The following MAFK variants were observed in gnomAD, a reference collection of about 807,000 sequenced individuals.
MAFK encodes transcription factor MafK.
Under a neutral mutation model 9.2 loss-of-function variants are expected in MAFK, and 1 was observed. That is an observed-to-expected ratio of 0.11 (90% CI 0.04 to 0.52). MAFK has a LOEUF of 0.52. Among genes scored for constraint, MAFK ranks in the 20% least tolerant of loss-of-function variants. The probability of loss-of-function intolerance (pLI) is 0.94; values close to 1 mark genes in which losing one functional copy is unlikely to be tolerated. For missense variants in MAFK, 207 were observed against 236.0 expected (o/e 0.88, Z 0.81); for synonymous variants, 110 against 107.4 (o/e 1.02, Z -0.15).
chr7:1,538,191 G>A, intron 1 of MAFK: 1 of 839,924 alleles, frequency 1.2e-6, no homozygotes, highest in Non-Finnish European at 1.4e-6. Flanking sequence ...CTCATGCCGG[G>A]GATGCTTTGG....
In MAFK at chr7:1,542,482, G is replaced by C. The variant is rs911312111; in HGVS notation, c.*2107G>C. The C allele has an allele frequency of 1.3e-5, 2 of 152,352 alleles. No homozygotes were observed. The highest frequency in any genetic ancestry group is 2.9e-5 in the Non-Finnish European group (2 of 68,084). 9.4% of individuals were successfully genotyped at this position (152,352 alleles called of 1,614,324 possible). A position where few individuals can be genotyped will look rare whatever the true frequency, so the allele number is the denominator to read the frequency against. On this transcript the variant is annotated 3_prime_UTR_variant, in exon 3 of 3. Coordinates refer to ENST00000343242, the MANE Select transcript of MAFK (RefSeq NM_002360.4). ...GTTCTGTCCCGTCTTGGGGTTCTTG[G>C]TGTCCACGTCTTGTGGGCCGTGGGC...
Position 1,532,487 on chromosome 7 carries a change from C to T in MAFK, c.-45+1589C>T, listed in dbSNP as rs963063655. 6.6e-6 allele frequency among the ~76,000 whole-genome samples: 1 copy of T among 152,220 alleles called. No individual in the cohort carries two copies. Among genetic ancestry groups the T allele is most frequent in the Non-Finnish European group, 1.5e-5 (1 of 68,046 alleles). Reference sequence around the variant, plus strand: ...TAAGACATTTATTAAAGCAGAAAAACCAGGCTTCTCCTGCCTTTTATCCTT... The same window carrying T: ...TAAGACATTTATTAAAGCAGAAAAATCAGGCTTCTCCTGCCTTTTATCCTT... On this transcript the variant is annotated intron_variant, in intron 1 of 2. Coordinates refer to ENST00000343242, the MANE Select transcript of MAFK (RefSeq NM_002360.4). The surrounding 1 kb of genome is among the most constrained non-coding windows in gnomAD (Gnocchi z 4.5).
In MAFK at chr7:1,530,821, C is replaced by G. The variant is rs1377841817; in HGVS notation, c.-122C>G. The G allele has an allele frequency of 2.0e-5, 3 of 147,522 alleles. No homozygotes were observed. Among genetic ancestry groups the G allele is most frequent in the African/African-American group, 7.4e-5 (3 of 40,664 alleles). 9.1% of individuals were successfully genotyped at this position (147,522 alleles called of 1,614,324 possible). ...GCGGCGGCGGCGGCCGAGGGGAGCGCGACAGTGAGCGCCGGCGCGAGGACA... is the reference window on the plus strand; with the variant it reads ...GCGGCGGCGGCGGCCGAGGGGAGCGGGACAGTGAGCGCCGGCGCGAGGACA... On this transcript the variant is annotated 5_prime_UTR_variant, in exon 1 of 3. Transcript: ENST00000343242.
At position 1,532,072 on chromosome 7, in the gene MAFK, C is replaced by G. The variant is rs1223894254; in HGVS notation, c.-45+1174C>G. On this transcript the variant is annotated intron_variant, in intron 1 of 2. Transcript: ENST00000343242. This position sits in a 1 kb window ranked among gnomAD's most constrained non-coding sequence, Gnocchi z 4.5. ...GCCCCCCACCGCCCCCCATCGTGGT[C>G]TAGGGGATATCTGTGTGGTTCGGCT... 3.3e-5 allele frequency among the ~76,000 whole-genome samples: 5 copies of G among 152,220 alleles called. No individual in the cohort carries two copies. Among genetic ancestry groups the G allele is most frequent in the African/African-American group, 1.2e-4 (5 of 41,462 alleles).
rs1038928861 is a variant in MAFK, at chr7:1,542,338, G to C, written c.*1963G>C. 1 of 152,610 alleles carries C rather than the reference G, an allele frequency of 6.6e-6. No homozygotes were observed. The highest frequency in any genetic ancestry group is 6.5e-5 in the Admixed American group (1 of 15,292). The allele number at this position is 152,610 out of a possible 1,614,324, so 9.5% of individuals were successfully genotyped here. A position where few individuals can be genotyped will look rare whatever the true frequency, so the allele number is the denominator to read the frequency against. ...TCTATCAGAGCAGAGCCGGGGGCACGGGCACAGGTGGGAGTTGGGAGCAAA... is the reference window on the plus strand; with the variant it reads ...TCTATCAGAGCAGAGCCGGGGGCACCGGCACAGGTGGGAGTTGGGAGCAAA... On this transcript the variant is annotated 3_prime_UTR_variant, in exon 3 of 3. Coordinates refer to ENST00000343242, the MANE Select transcript of MAFK (RefSeq NM_002360.4).
At chr7:1,538,485 G>A in intron 1 of MAFK, 2 of 849,724 alleles carry the variant, frequency 2.4e-6, no homozygotes, top group Non-Finnish European at 2.8e-6. Flanking sequence ...TGTGGGGAGG[G>A]CGGGGCGGGA....
chr7:1,540,471 A>G lies in MAFK; in HGVS notation c.*96A>G. On this transcript the variant is annotated 3_prime_UTR_variant, in exon 3 of 3. Coordinates refer to ENST00000343242, the MANE Select transcript of MAFK (RefSeq NM_002360.4). ...TGTCACTGGGATGCAGACTCTCGACATCCGAGTCCAAGCGCAGGCCCCTCG... is the reference window on the plus strand; with the variant it reads ...TGTCACTGGGATGCAGACTCTCGACGTCCGAGTCCAAGCGCAGGCCCCTCG... 8.1e-7 allele frequency: 1 copy of G among 1,233,792 alleles called. No individual in the cohort carries two copies. Among genetic ancestry groups the G allele is most frequent in the Non-Finnish European group, 1.1e-6 (1 of 908,396 alleles). 76.4% of individuals were successfully genotyped at this position (1,233,792 alleles called of 1,614,324 possible). A position where few individuals can be genotyped will look rare whatever the true frequency, so the allele number is the denominator to read the frequency against.
chr7:1,531,415 C>T (rs1433873511), intron 1 of MAFK, among the ~76,000 whole-genome samples: 2 of 152,278 alleles, frequency 1.3e-5, no homozygotes, highest in East Asian at 1.9e-4. Context: ...GGCCCAGTGG[C>T]TGGGGTCACG....
rs570015551 is a variant in MAFK, at chr7:1,539,004, G to T, written c.-44-145G>T. On this transcript the variant is annotated intron_variant, in intron 1 of 2. Transcript: ENST00000343242. Reference sequence around the variant, plus strand: ...TGGGAAGCCCCTCAGGACGGGCTGGGCCCGGATGGTGCCCCGTCTTGTTTT... The same window carrying T: ...TGGGAAGCCCCTCAGGACGGGCTGGTCCCGGATGGTGCCCCGTCTTGTTTT... 10 of 674,414 alleles carry T rather than the reference G, an allele frequency of 1.5e-5. No homozygotes were observed. The African/African-American group carries it at 1.8e-4, about 12-fold the overall frequency. The allele number at this position is 674,414 out of a possible 1,614,324, so 41.8% of individuals were successfully genotyped here.
chr7:1,535,048 G>C (rs1036677004), intron 1 of MAFK, among the ~76,000 whole-genome samples: 17 of 149,912 alleles, frequency 1.1e-4, no homozygotes, highest in African/African-American at 4.2e-4. Context: ...CGGGACCATA[G>C]GCACATATGT....
At chr7:1,537,667 A>G in intron 1 of MAFK, 1 of 985,250 alleles carries the variant, frequency 1.0e-6, no homozygotes, top group Non-Finnish European at 1.2e-6. Flanking sequence ...GGGGCAGCGG[A>G]CTCGGCAGCC....
intron 1 of MAFK, chr7:1,537,568 A>T: frequency 4.1e-6 from 4 of 985,520 alleles, no homozygotes; most frequent in Non-Finnish European, 4.8e-6. Flanking sequence ...GGTGCGAAGG[A>T]GCCTGGAGCC....
At chr7:1,531,752 G>A (rs1335067224) in intron 1 of MAFK, among the ~76,000 whole-genome samples, 1 of 152,168 alleles carries the variant, frequency 6.6e-6, no homozygotes, top group African/African-American at 2.4e-5. Context: ...GAGAAACCCA[G>A]AAAGCCAGGA....
intron 2 of MAFK, 150 bp from the exon 3 acceptor site, chr7:1,539,791 G>T (rs1482688570): frequency 1.5e-6 from 1 of 666,452 alleles, no homozygotes; most frequent in Non-Finnish European, 2.5e-6. Flanking sequence ...TGCGTGCACA[G>T]TGTCCTGTGG....
chr7:1,531,010 G>A (rs1237018479), intron 1 of MAFK, 112 bp downstream of exon 1: 1 of 147,044 alleles, frequency 6.8e-6, no homozygotes, highest in Non-Finnish European at 1.5e-5. Context: ...GCGGGCCGAG[G>A]GTGGCGGGGT....
In MAFK at chr7:1,534,064, C is replaced by A. The variant is rs908585249; in HGVS notation, c.-45+3166C>A. 9 of 363,442 alleles carry A rather than the reference C, an allele frequency of 2.5e-5. No individual in the cohort carries two copies. The highest frequency in any genetic ancestry group is 5.0e-5 in the Non-Finnish European group (9 of 178,816). The allele number at this position is 363,442 out of a possible 1,614,324, so 22.5% of individuals were successfully genotyped here. A position where few individuals can be genotyped will look rare whatever the true frequency, so the allele number is the denominator to read the frequency against. ...AGACTGCAAATGCAAGGTGACCAGACGTCCTCCAAGCCGGGCCGACAGTCA... is the reference window on the plus strand; with the variant it reads ...AGACTGCAAATGCAAGGTGACCAGAAGTCCTCCAAGCCGGGCCGACAGTCA... On this transcript the variant is annotated intron_variant, in intron 1 of 2. Transcript: ENST00000343242. This position sits in a 1 kb window ranked among gnomAD's most constrained non-coding sequence, Gnocchi z 4.3.
Position 1,539,969 on chromosome 7 carries a change from C to A in MAFK, c.65C>A (p.Pro22Gln). ...KVKKEAGENA[P>Q]VLSDDELVSM... Reference sequence around the variant, plus strand: ...AAGAAGGAGGCGGGCGAGAACGCCCCGGTGCTCAGCGATGATGAGCTGGTG... The same window carrying A: ...AAGAAGGAGGCGGGCGAGAACGCCCAGGTGCTCAGCGATGATGAGCTGGTG... Residue 22 changes from proline (P) to glutamine (Q), a missense_variant, in exon 3 of 3, where the codon CCG becomes CAG. Pro to Gln is a moderately conservative substitution (Grantham distance 76). Transcript: ENST00000343242. 6.5e-7 allele frequency: 1 copy of A among 1,546,420 alleles called. No homozygotes were observed. Among genetic ancestry groups the A allele is most frequent in the Non-Finnish European group, 8.7e-7 (1 of 1,143,368 alleles).
At chr7:1,539,561 G>A (rs1425093079) in intron 2 of MAFK, among the ~76,000 whole-genome samples, 1 of 152,216 alleles carries the variant, frequency 6.6e-6, no homozygotes, top group Non-Finnish European at 1.5e-5. Flanking sequence ...TGGTGAACGC[G>A]ATGCTCCAGC....
In MAFK at chr7:1,540,569, C is replaced by T. The variant is rs904415640; in HGVS notation, c.*194C>T. Reference sequence around the variant, plus strand: ...GTGGGCTCCCGTGGGCCCAGAGCTGCACGCCGGTCCACAGACACACTCACG... The same window carrying T: ...GTGGGCTCCCGTGGGCCCAGAGCTGTACGCCGGTCCACAGACACACTCACG... On this transcript the variant is annotated 3_prime_UTR_variant, in exon 3 of 3. Transcript: ENST00000343242. 2 of 597,092 alleles carry T rather than the reference C, an allele frequency of 3.3e-6. No homozygotes were observed. Among genetic ancestry groups the T allele is most frequent in the South Asian group, 2.1e-5 (1 of 46,782 alleles). 37.0% of individuals were successfully genotyped at this position (597,092 alleles called of 1,614,324 possible). A position where few individuals can be genotyped will look rare whatever the true frequency, so the allele number is the denominator to read the frequency against.
Sources: gnomAD v4.1 joint callset for allele counts (sites outside exome capture counted in the v4.1 genomes callset) on GRCh38, gnomAD v4.1.1 for gene constraint, Gnocchi (gnomAD v3.1) non-coding constraint, MANE v1.5 for transcripts, NCBI Gene and HGNC (gene_info 2026-07-23, HGNC 2026-07-21) for gene names.